GABRA1: variants seen among roughly 807,000 people sequenced by gnomAD.
The protein encoded by GABRA1 is gamma-aminobutyric acid type A receptor subunit alpha1.
Under a neutral mutation model 48.9 loss-of-function variants are expected in GABRA1, and 9 were observed. The ratio of observed to expected loss-of-function variants is 0.18; its 90% CI spans 0.11 to 0.32. The LOEUF (loss-of-function observed/expected upper bound fraction) is 0.32, where lower values mean the gene tolerates loss of function less well. GABRA1 is among the 10% of genes least tolerant of loss of function. The pLI is 1.00. For missense variants in GABRA1, 285 were observed against 553.8 expected, an observed-to-expected ratio of 0.51 and a Z score of 4.87; for synonymous variants, 210 against 198.7, an observed-to-expected ratio of 1.06 and a Z score of -0.48.
intron 6 of GABRA1, among the ~76,000 whole-genome samples, chr5:161,878,576 C>G (rs1347084396): frequency 6.6e-6 from 1 of 152,118 alleles, no homozygotes; most frequent in African/African-American, 2.4e-5. Context: ...GTGATAAAAT[C>G]TAAAGTTGAG....
chr5:161,855,323 C>T (rs535979079), intron 3 of GABRA1, among the ~76,000 whole-genome samples: 1 of 151,574 alleles, frequency 6.6e-6, no homozygotes, highest in Non-Finnish European at 1.5e-5. Context: ...AGTATAATGA[C>T]ATGGTTGTGT....
intron 4 of GABRA1, among the ~76,000 whole-genome samples, chr5:161,867,212 C>G (rs1188535694): frequency 6.6e-6 from 1 of 152,116 alleles, no homozygotes; most frequent in Non-Finnish European, 1.5e-5. Context: ...TCTCTGAGGA[C>G]TCATGATTCT....
intron 6 of GABRA1, among the ~76,000 whole-genome samples, chr5:161,880,646 TAAATTGATGCA>T (rs1282898187): frequency 1.9e-4 from 29 of 152,222 alleles, no homozygotes; most frequent in African/African-American, 6.5e-4. Context: ...CATCTGATTA[TAAATTGATGCA>T]GAAGTGATAT....
chr5:161,853,300 A>G (rs1262066891), intron 2 of GABRA1, among the ~76,000 whole-genome samples: 1 of 151,900 alleles, frequency 6.6e-6, no homozygotes, highest in Non-Finnish European at 1.5e-5. Flanking sequence ...GACACAGGCT[A>G]CATCTCCAAC....
intron 3 of GABRA1, among the ~76,000 whole-genome samples, chr5:161,857,519 C>T (rs974612190): frequency 2.0e-5 from 3 of 151,514 alleles, no homozygotes; most frequent in Non-Finnish European, 4.4e-5. Context: ...TTTTAAAAGA[C>T]TGCCTTTTCA....
chr5:161,856,644 GA>G (rs36085578), intron 3 of GABRA1, among the ~76,000 whole-genome samples: 78,737 of 150,676 alleles, frequency 0.52, 21,493 homozygotes, highest in East Asian at 0.67. Flanking sequence ...TGAGATTTAT[GA>G]AAAAAACTTT....
At chr5:161,887,244 TG>T (rs979350667) in intron 7 of GABRA1, among the ~76,000 whole-genome samples, 1 of 152,174 alleles carries the variant, frequency 6.6e-6, no homozygotes, top group African/African-American at 2.4e-5. Context: ...TTCTCTTTTT[TG>T]GACACAGAGT....
rs571241456 is a variant in GABRA1 at position 161,879,848 on chromosome 5, C to T, written c.560-2710C>T. On this transcript the variant is annotated intron_variant, in intron 6 of 9. Coordinates refer to ENST00000393943, the MANE Select transcript of GABRA1 (RefSeq NM_001127644.2). ...ATATAAAATGAAAAGTCAATGGTAACACATTTTTCCCCCTCTACAACTATA... is the reference window on the plus strand; with the variant it reads ...ATATAAAATGAAAAGTCAATGGTAATACATTTTTCCCCCTCTACAACTATA... 7.9e-5 allele frequency among the ~76,000 whole-genome samples: 12 copies of T among 152,240 alleles called. No individual in the cohort carries two copies. In the East Asian group the frequency reaches 1.9e-3, roughly 25 times the overall value.
intron 3 of GABRA1, among the ~76,000 whole-genome samples, chr5:161,859,522 A>G (rs953961753): frequency 1.3e-5 from 2 of 151,740 alleles, no homozygotes; most frequent in African/African-American, 4.8e-5. Context: ...AGATCAAAGT[A>G]TTTTTTGTGC....
At chr5:161,855,239 AC>A (rs1257332420) in intron 3 of GABRA1, among the ~76,000 whole-genome samples, 1 of 151,662 alleles carries the variant, frequency 6.6e-6, no homozygotes, top group Non-Finnish European at 1.5e-5. Context: ...TAAAAAGCTT[AC>A]AAATTCAAAC....
chr5:161,891,828 C>A (rs1755104057), intron 8 of GABRA1, among the ~76,000 whole-genome samples: 1 of 152,128 alleles, frequency 6.6e-6, no homozygotes, highest in Non-Finnish European at 1.5e-5. Context: ...CACAAATCAC[C>A]ACTCTCGTTA....
intron 1 of GABRA1, 87 bp from the exon 2 acceptor site, chr5:161,850,709 T>G: frequency 9.6e-7 from 1 of 1,043,998 alleles, no homozygotes; most frequent in Non-Finnish European, 1.5e-6. Context: ...TTCAAAGCAT[T>G]CATCTAAACT....
intron 4 of GABRA1, among the ~76,000 whole-genome samples, chr5:161,869,600 A>C (rs1754021253): frequency 6.6e-6 from 1 of 152,222 alleles, no homozygotes; most frequent in Admixed American, 6.5e-5. Context: ...CATAGTGCTT[A>C]AAATGTATTA....
chr5:161,898,687 T>G lies in GABRA1; in HGVS notation c.*1265T>G, dbSNP rs893145458. ...AGTGATCAGTTGCTCTCTGTTCAAG[T>G]CATTCCACACATTTCCCTATTTTAG... is the stretch of plus-strand genomic sequence containing the variant. On this transcript the variant is annotated 3_prime_UTR_variant, in exon 10 of 10. Coordinates refer to ENST00000393943, the MANE Select transcript of GABRA1 (RefSeq NM_001127644.2). The G allele has an allele frequency of 6.6e-6, 1 of 152,530 alleles. No individual in the cohort carries two copies. The highest frequency in any genetic ancestry group is 2.4e-5 in the African/African-American group (1 of 41,442). The allele number at this position is 152,530 out of a possible 1,614,324, so 9.4% of individuals were successfully genotyped here.
At chr5:161,887,569 T>C (rs1220872457) in intron 7 of GABRA1, among the ~76,000 whole-genome samples, 17 of 152,180 alleles carry the variant, frequency 1.1e-4, no homozygotes. Context: ...TTAGAATCTC[T>C]GAAGCAATTA....
chr5:161,896,035 A>T (rs1051822929), intron 9 of GABRA1, among the ~76,000 whole-genome samples, 167 bp downstream of exon 9: 6 of 152,132 alleles, frequency 3.9e-5, no homozygotes, highest in Non-Finnish European at 8.8e-5. Context: ...TTATTGATAA[A>T]GGGAGAGGTC....
intron 3 of GABRA1, among the ~76,000 whole-genome samples, 190 bp downstream of exon 3, chr5:161,854,460 G>T (rs1047730447): frequency 6.6e-6 from 1 of 151,532 alleles, no homozygotes; most frequent in African/African-American, 2.4e-5. Flanking sequence ...GTAGTAAAAG[G>T]CAGACACAAA....
At chr5:161,895,911 TC>T in intron 9 of GABRA1, 43 bp downstream of exon 9, 2 of 1,502,740 alleles carry the variant, frequency 1.3e-6, no homozygotes, top group South Asian at 2.3e-5. Flanking sequence ...ATATTATGTC[TC>T]TTTAAACCTA....
intron 2 of GABRA1, among the ~76,000 whole-genome samples, chr5:161,853,240 T>G (rs1009193767): frequency 6.6e-6 from 1 of 151,898 alleles, no homozygotes; most frequent in Admixed American, 6.6e-5. Context: ...ACACAATTTT[T>G]GAACTGAGGT....
Sources: allele counts gnomAD v4.1 joint callset (sites outside exome capture counted in the v4.1 genomes callset), GRCh38; gene constraint gnomAD v4.1.1; transcripts MANE v1.5; gene names NCBI Gene and HGNC (gene_info 2026-07-23, HGNC 2026-07-21).